MAGI2: variants seen among roughly 807,000 people sequenced by gnomAD.
MAGI2 encodes membrane associated guanylate kinase, WW and PDZ domain containing 2.
MAGI2 carries 35 observed loss-of-function variants against 133.3 expected under a neutral mutation model. The observed-to-expected ratio is 0.26, with a 90% CI of 0.20 to 0.35. MAGI2 has a LOEUF of 0.35. Among genes scored for constraint, MAGI2 ranks in the 10% least tolerant of loss-of-function variants. The pLI, the probability that MAGI2 is intolerant of heterozygous loss-of-function variation, is 1.00. For missense variants in MAGI2, 1,636 were observed against 1,863.4 expected, an observed-to-expected ratio of 0.88 and a Z score of 2.25; for synonymous variants, 729 against 710.6, an observed-to-expected ratio of 1.03 and a Z score of -0.41.
At chr7:78,326,491 A>C (rs545154372) in intron 9 of MAGI2, among the ~76,000 whole-genome samples, 2 of 152,216 alleles carry the variant, frequency 1.3e-5, no homozygotes, top group South Asian at 4.1e-4. Context: ...AGAGACTGGT[A>C]TTACACATCC....
At chr7:79,028,277 G>GTATA (rs1241170706) in intron 1 of MAGI2, among the ~76,000 whole-genome samples, 1 of 30,144 alleles carries the variant, frequency 3.3e-5, no homozygotes, top group African/African-American at 1.2e-4. Context: ...ATGTATGTAT[G>GTATA]TATATATATA....
At chr7:78,547,575 G>T (rs940871527) in intron 3 of MAGI2, among the ~76,000 whole-genome samples, 5 of 152,178 alleles carry the variant, frequency 3.3e-5, no homozygotes, top group East Asian at 1.9e-4. Context: ...GCTGAGGATG[G>T]CTGGAGCCTA....
chr7:78,457,934 T>C (rs550056919), intron 6 of MAGI2, among the ~76,000 whole-genome samples: 4 of 152,338 alleles, frequency 2.6e-5, no homozygotes, highest in African/African-American at 7.2e-5. Context: ...TTTAATAATA[T>C]GCACAAACTT....
At chr7:78,560,123 T>C (rs966421876) in intron 3 of MAGI2, among the ~76,000 whole-genome samples, 10 of 151,894 alleles carry the variant, frequency 6.6e-5, no homozygotes, top group South Asian at 2.1e-4. Context: ...TGTGAGAAGG[T>C]TGAAGTTGAG....
In MAGI2 at chr7:79,451,312, T is replaced by C. The variant is rs548056649; in HGVS notation, c.301+1708A>G. On this transcript the variant is annotated intron_variant, in intron 1 of 21. Transcript: ENST00000354212. ...ATCAAGCATTTGGCCAACAAAACCA[T>C]GGTCATTAGTTGTGTAGTAGACTTT... is the stretch of plus-strand genomic sequence containing the variant. Among the ~76,000 whole-genome samples, 28 of 152,336 alleles carry C rather than the reference T, an allele frequency of 1.8e-4. 1 individual carries two copies. The highest frequency in any genetic ancestry group is 5.5e-4 in the African/African-American group (23 of 41,578).
chr7:78,176,921 A>T lies in MAGI2; in HGVS notation c.2403+1090T>A, dbSNP rs990499428. ...AAACCATATATAGACACACACACAC[A>T]CACACACACACACACACACACACAC... On this transcript the variant is annotated intron_variant, in intron 14 of 21. Coordinates refer to ENST00000354212, the MANE Select transcript of MAGI2 (RefSeq NM_012301.4). Among the ~76,000 whole-genome samples, 4 of 138,198 alleles carry T rather than the reference A, an allele frequency of 2.9e-5. No homozygotes were observed. In the East Asian group the frequency reaches 8.6e-4, roughly 30 times the overall value. 90.7% of individuals were successfully genotyped at this position (138,198 alleles called of 152,430 possible).
chr7:78,161,379 G>T (rs1824961085), intron 15 of MAGI2, among the ~76,000 whole-genome samples: 1 of 152,042 alleles, frequency 6.6e-6, no homozygotes, highest in Non-Finnish European at 1.5e-5. Flanking sequence ...ATTAGAAATA[G>T]GGTTGCTTTC....
intron 20 of MAGI2, among the ~76,000 whole-genome samples, chr7:78,085,583 A>AACAC (rs1816556901): frequency 9.5e-6 from 1 of 105,262 alleles, no homozygotes; most frequent in Non-Finnish European, 1.9e-5. Context: ...CACACACACA[A>AACAC]ACAAAACAAA....
chr7:78,132,844 C>T (rs772012919), intron 18 of MAGI2, 45 bp downstream of exon 18: 14 of 1,613,698 alleles, frequency 8.7e-6, no homozygotes, highest in Non-Finnish European at 1.2e-5. Context: ...CTCCTTTCCC[C>T]ACCCTATCAC....
intron 12 of MAGI2, among the ~76,000 whole-genome samples, chr7:78,193,823 G>T (rs1828461836): frequency 6.6e-6 from 1 of 151,042 alleles, no homozygotes; most frequent in Non-Finnish European, 1.5e-5. Context: ...TCAATGGCTT[G>T]CCATCCTAAC....
chr7:78,824,499 G>GT (rs1790454013), intron 2 of MAGI2, among the ~76,000 whole-genome samples: 1 of 152,130 alleles, frequency 6.6e-6, no homozygotes, highest in Non-Finnish European at 1.5e-5. Context: ...TCTCACTGTG[G>GT]TTTTGATTTG....
intron 17 of MAGI2, 113 bp from the exon 18 acceptor site, chr7:78,133,173 CCGTTT>C: frequency 1.3e-6 from 1 of 792,722 alleles, no homozygotes; most frequent in Non-Finnish European, 2.0e-6. Flanking sequence ...TTGGTTATTT[CCGTTT>C]CTGCTAGGTT....
intron 10 of MAGI2, among the ~76,000 whole-genome samples, chr7:78,243,269 A>T (rs148237830): frequency 0.014 from 910 of 62,802 alleles, 7 homozygotes; most frequent in Middle Eastern, 0.061. Context: ...ACACACACAC[A>T]CTCTCTCTCT....
At chr7:78,577,499 G>A (rs141888759) in intron 3 of MAGI2, among the ~76,000 whole-genome samples, 4 of 152,278 alleles carry the variant, frequency 2.6e-5, no homozygotes, top group African/African-American at 9.6e-5. Flanking sequence ...CGTGTGAAGA[G>A]ACCACCAAAC....
intron 1 of MAGI2, among the ~76,000 whole-genome samples, chr7:79,079,166 A>G (rs1371962992): frequency 1.3e-5 from 2 of 152,048 alleles, no homozygotes; most frequent in Non-Finnish European, 1.5e-5. Context: ...ATATAAAATC[A>G]CTCAGTACCT....
At chr7:78,327,227 T>C (rs891483671) in intron 9 of MAGI2, among the ~76,000 whole-genome samples, 3 of 152,194 alleles carry the variant, frequency 2.0e-5, no homozygotes, top group Admixed American at 2.0e-4. Flanking sequence ...CTATTCTCCA[T>C]GGCCACTTCA....
intron 2 of MAGI2, among the ~76,000 whole-genome samples, chr7:78,688,629 A>G (rs1227906407): frequency 6.6e-6 from 1 of 152,240 alleles, no homozygotes; most frequent in Non-Finnish European, 1.5e-5. Context: ...AGAATGTACA[A>G]TGAAAAGCAT....
intron 2 of MAGI2, among the ~76,000 whole-genome samples, chr7:78,738,246 A>G (rs971754103): frequency 3.9e-5 from 6 of 152,170 alleles, no homozygotes; most frequent in Non-Finnish European, 8.8e-5. Flanking sequence ...GGGATGTAGT[A>G]TTAGAGGAAA....
intron 1 of MAGI2, among the ~76,000 whole-genome samples, chr7:79,301,811 G>C (rs111804646): frequency 6.6e-6 from 1 of 152,186 alleles, no homozygotes; most frequent in African/African-American, 2.4e-5. Flanking sequence ...AGGGCCTGGT[G>C]GAAGGTGTTT....
Sources: gnomAD v4.1 joint callset for allele counts (sites outside exome capture counted in the v4.1 genomes callset) on GRCh38, gnomAD v4.1.1 for gene constraint, MANE v1.5 for transcripts, NCBI Gene and HGNC (gene_info 2026-07-23, HGNC 2026-07-21) for gene names.